DENND2D: variants seen among roughly 807,000 people sequenced by gnomAD.
DENND2D encodes DENN domain containing 2D.
In DENND2D, 37 loss-of-function variants were observed where a neutral mutation model predicts 59.8. The observed-to-expected ratio is 0.62, with a 90% CI of 0.48 to 0.81. DENND2D has a LOEUF of 0.81. DENND2D is among the 40% of genes least tolerant of loss of function. The pLI is 0.00. For missense variants in DENND2D, 525 were observed against 579.7 expected (o/e 0.91, Z 0.97); for synonymous variants, 219 against 211.3 (o/e 1.04, Z -0.31).
intron 8 of DENND2D, among the ~76,000 whole-genome samples, chr1:111,189,598 C>G (rs1657539166): frequency 6.6e-6 from 1 of 152,186 alleles, no homozygotes; most frequent in African/African-American, 2.4e-5. Flanking sequence ...GTACATTGTT[C>G]ACATAAGTGC....
chr1:111,196,785 C>T (rs1396402421), intron 5 of DENND2D: 1 of 209,624 alleles, frequency 4.8e-6, no homozygotes, highest in East Asian at 1.0e-4. Flanking sequence ...TAGTGCTCTG[C>T]CTTTTATAAA....
chr1:111,195,807 C>A, intron 6 of DENND2D, 109 bp downstream of exon 6: 1 of 1,508,912 alleles, frequency 6.6e-7, no homozygotes, highest in African/African-American at 1.4e-5. Flanking sequence ...CCCCATCTGG[C>A]TCAGTTTCTC....
rs1349256845 is a variant in DENND2D, at chr1:111,200,344, C to T, written c.67+49G>A. The T allele has an allele frequency of 3.1e-6, 5 of 1,589,886 alleles. No individual in the cohort carries two copies. In the South Asian group the frequency reaches 4.6e-5, roughly 15 times the overall value. The stretch of plus-strand genomic sequence containing the variant: ...GCATTTCAAGGAAGAAACAGTCCCG[C>T]CTAAGAGGGTCACCCTAAAAACAAG... On this transcript the variant is annotated intron_variant, in intron 1 of 11. Coordinates refer to ENST00000357640, the MANE Select transcript of DENND2D (RefSeq NM_024901.5).
chr1:111,199,869 C>T (rs572579432), intron 1 of DENND2D, 71 bp from the exon 2 acceptor site: 17 of 1,547,230 alleles, frequency 1.1e-5, no homozygotes, highest in East Asian at 4.5e-5. Flanking sequence ...TGTGAGAATC[C>T]GGGTGACCTC....
chr1:111,204,149 C>T (rs1174864709), upstream of DENND2D: 6 of 805,708 alleles, frequency 7.4e-6, no homozygotes, highest in East Asian at 1.5e-4. Flanking sequence ...CGCTCACCTG[C>T]CCCCGCGCAG....
At chr1:111,195,876 T>C in intron 6 of DENND2D, 40 bp downstream of exon 6, 1 of 1,613,296 alleles carries the variant, frequency 6.2e-7, no homozygotes, top group South Asian at 1.1e-5. Flanking sequence ...ATGCCTACCC[T>C]CTCCAGCTAG....
intron 4 of DENND2D, 33 bp from the exon 5 acceptor site, chr1:111,197,286 G>T (rs1175134228): frequency 6.3e-7 from 1 of 1,596,704 alleles, no homozygotes; most frequent in Admixed American, 1.7e-5. Flanking sequence ...CTTCAGTGCT[G>T]CAGCCTCCCC....
At chr1:111,196,142 T>A in intron 5 of DENND2D, 86 bp from the exon 6 acceptor site, 2 of 1,489,474 alleles carry the variant, frequency 1.3e-6, no homozygotes. Flanking sequence ...CTGAGCGTCA[T>A]AATGTTCTCA....
chr1:111,199,731 G>A lies in DENND2D; in HGVS notation c.135C>T (p.Pro45=). ...AGAAGTGCTGCCCCCCAGCAAAGTT[G>A]GGCAAAGAGTGCTCCTGGGCCCTTT... ...EPERAQEHSL[P]NFAGGQHFFE... Residue 45 remains proline, a synonymous_variant, in exon 2 of 12, where the codon CCC becomes CCT. Coordinates refer to ENST00000357640, the MANE Select transcript of DENND2D (RefSeq NM_024901.5). 2 of 1,614,120 alleles carry A rather than the reference G, an allele frequency of 1.2e-6. No homozygotes were observed. The highest frequency in any genetic ancestry group is 1.7e-6 in the Non-Finnish European group (2 of 1,180,020).
At chr1:111,200,659 G>A, upstream of DENND2D, 2 of 1,353,268 alleles carry the variant, frequency 1.5e-6, no homozygotes, top group South Asian at 2.8e-5. Flanking sequence ...CGGGACCCAG[G>A]AAGGCAGCAG....
upstream of DENND2D, among the ~76,000 whole-genome samples, chr1:111,201,721 C>T (rs1185985733): frequency 2.0e-5 from 3 of 152,204 alleles, no homozygotes; most frequent in African/African-American, 7.2e-5. Flanking sequence ...AGAATAAGCA[C>T]CCCTCTGGAA....
intron 6 of DENND2D, 64 bp from the exon 7 acceptor site, chr1:111,194,790 G>A: frequency 6.4e-7 from 1 of 1,568,738 alleles, no homozygotes; most frequent in South Asian, 1.1e-5. Flanking sequence ...ACCCCGAGGT[G>A]CTAGGCCTCT....
intron 1 of DENND2D, 65 bp downstream of exon 1, chr1:111,200,328 G>T: frequency 6.4e-7 from 1 of 1,566,288 alleles, no homozygotes; most frequent in South Asian, 1.2e-5. Flanking sequence ...AGCATTTCAA[G>T]GAAGAAACAG....
At chr1:111,193,424 C>T (rs907220369) in intron 7 of DENND2D, among the ~76,000 whole-genome samples, 1 of 152,186 alleles carries the variant, frequency 6.6e-6, no homozygotes, top group Non-Finnish European at 1.5e-5. Context: ...CCAGCTCTAG[C>T]CACACAGGAA....
At chr1:111,197,353 A>C in intron 4 of DENND2D, 100 bp from the exon 5 acceptor site, 1 of 1,524,790 alleles carries the variant, frequency 6.6e-7, no homozygotes, top group Non-Finnish European at 8.8e-7. Flanking sequence ...GGGGAGGGGG[A>C]TTTATGGGGA....
intron 8 of DENND2D, 105 bp downstream of exon 8, chr1:111,192,035 G>T: frequency 9.2e-7 from 1 of 1,088,176 alleles, no homozygotes; most frequent in Non-Finnish European, 1.3e-6. Context: ...GGCTTAAAGA[G>T]GTAAGGTAAC....
chr1:111,203,479 TA>T (rs1450586813), upstream of DENND2D, among the ~76,000 whole-genome samples: 12 of 152,244 alleles, frequency 7.9e-5, no homozygotes, highest in African/African-American at 2.9e-4. Flanking sequence ...TGGCTAGTGG[TA>T]AGCCACACAA....
intron 10 of DENND2D, 147 bp downstream of exon 10, chr1:111,188,555 A>G (rs1557950036): frequency 5.9e-6 from 7 of 1,178,708 alleles, no homozygotes; most frequent in Non-Finnish European, 1.2e-6. Flanking sequence ...GAAGAATACA[A>G]TCCCAAATTC....
chr1:111,191,308 G>T (rs1657745544), intron 8 of DENND2D, among the ~76,000 whole-genome samples: 2 of 152,158 alleles, frequency 1.3e-5, no homozygotes, highest in Admixed American at 1.3e-4. Context: ...TCTGTGCTAG[G>T]TTCCACTGTT....
Sources: allele counts gnomAD v4.1 joint callset (sites outside exome capture counted in the v4.1 genomes callset), GRCh38; gene constraint gnomAD v4.1.1; transcripts MANE v1.5; gene names NCBI Gene and HGNC (gene_info 2026-07-23, HGNC 2026-07-21).